The following NCOA6 variants were observed in gnomAD, a reference collection of about 807,000 sequenced individuals.
NCOA6 encodes the protein nuclear receptor coactivator 6.
In NCOA6, 49 loss-of-function variants were observed where a neutral mutation model predicts 171.4. The observed-to-expected ratio is 0.29, with a 90% confidence interval of 0.23 to 0.36. The LOEUF is 0.36. Ranked by LOEUF, NCOA6 falls within the 10% of genes least tolerant of loss-of-function variation. The pLI is 1.00. For missense variants in NCOA6, 2,248 were observed against 2,554.5 expected, an observed-to-expected ratio of 0.88 and a Z score of 2.59; for synonymous variants, 910 against 927.5, an observed-to-expected ratio of 0.98 and a Z score of 0.34.
At chr20:34,777,310 G>A (rs749403280) in intron 3 of NCOA6, among the ~76,000 whole-genome samples, 2 of 151,808 alleles carry the variant, frequency 1.3e-5, no homozygotes, top group South Asian at 2.1e-4. Flanking sequence ...GTGAAGATAC[G>A]GAGAAATAGA....
intron 13 of NCOA6, among the ~76,000 whole-genome samples, chr20:34,729,774 CTG>C (rs1990389099): frequency 6.6e-6 from 1 of 152,182 alleles, no homozygotes; most frequent in African/African-American, 2.4e-5. Flanking sequence ...CATAACCTGA[CTG>C]TCAACTATCC....
At position 34,776,389 on chromosome 20, in the gene NCOA6, T is replaced by C. The variant is rs1406577183; in HGVS notation, c.295A>G (p.Asn99Asp). Residue 99 changes from asparagine to aspartate, a missense_variant, in exon 4 of 15, where the codon AAC becomes GAC. Asn to Asp is a conservative substitution (Grantham distance 23). Transcript: ENST00000359003. Reference sequence around the variant, plus strand: ...CGCTCCGCTGCTTCCCGGGGGATGTTGAATGTCACACGCACGCTGTTCCAG... The same window carrying C: ...CGCTCCGCTGCTTCCCGGGGGATGTCGAATGTCACACGCACGCTGTTCCAG... ...EPWNSVRVTF[N>D]IPREAAERLR... 6.2e-7 allele frequency: 1 copy of C among 1,614,078 alleles called. No individual in the cohort carries two copies. The highest frequency in any genetic ancestry group is 1.3e-5 in the African/African-American group (1 of 74,924).
intron 3 of NCOA6, among the ~76,000 whole-genome samples, chr20:34,777,900 C>T (rs1045760914): frequency 6.6e-6 from 1 of 152,032 alleles, no homozygotes; most frequent in African/African-American, 2.4e-5. Context: ...TATATACATA[C>T]AATGGAATAT....
intron 10 of NCOA6, among the ~76,000 whole-genome samples, chr20:34,746,473 G>A (rs187162738): frequency 2.6e-5 from 4 of 152,218 alleles, no homozygotes; most frequent in Non-Finnish European, 5.9e-5. Flanking sequence ...GAACACTTGC[G>A]CTCAAGCGAT....
chr20:34,729,380 T>C (rs1990341821), intron 13 of NCOA6, among the ~76,000 whole-genome samples: 1 of 152,258 alleles, frequency 6.6e-6, no homozygotes, highest in Admixed American at 6.5e-5. Context: ...TGGTGAGTTA[T>C]TTTCTTCTTT....
rs2077040286 is a variant in NCOA6, at chr20:34,768,327, T to C, written c.514+137A>G. 2.6e-6 allele frequency: 3 copies of C among 1,154,118 alleles called. No homozygotes were observed. The Admixed American group carries it at 7.3e-5, about 28-fold the overall frequency. The allele number at this position is 1,154,118 out of a possible 1,614,324, so 71.5% of individuals were successfully genotyped here. On this transcript the variant is annotated intron_variant, in intron 5 of 14. Coordinates refer to ENST00000359003, the MANE Select transcript of NCOA6 (RefSeq NM_014071.5). ...ACCTCTAGCCTCCGGGAAGGACTCA[T>C]GTCTAGCTTTCCTGATTCAGCAAAT...
At chr20:34,792,771 T>C (rs2077931000) in intron 1 of NCOA6, among the ~76,000 whole-genome samples, 1 of 138,910 alleles carries the variant, frequency 7.2e-6, no homozygotes, top group Admixed American at 8.6e-5. Flanking sequence ...AGATTATCTT[T>C]TCTGATTTTT....
At chr20:34,807,791 CT>C (rs1017747034) in intron 1 of NCOA6, among the ~76,000 whole-genome samples, 2 of 151,196 alleles carry the variant, frequency 1.3e-5, no homozygotes, top group African/African-American at 4.8e-5. Context: ...TCCCAAAGTG[CT>C]GGGATTACAG....
intron 12 of NCOA6, 62 bp from the exon 13 acceptor site, chr20:34,732,657 GTCTACAAGAATTCTCTAT>G: frequency 6.9e-7 from 1 of 1,450,556 alleles, no homozygotes; most frequent in Non-Finnish European, 9.6e-7. Flanking sequence ...GAAGCTAGGA[GTCTACAAGAATTCTCTAT>G]GCCCTATTTA....
chr20:34,731,551 G>C (rs562960168), intron 13 of NCOA6, among the ~76,000 whole-genome samples: 3 of 152,234 alleles, frequency 2.0e-5, no homozygotes, highest in South Asian at 4.1e-4. Flanking sequence ...ACACATCTAG[G>C]GCACTTGTAG....
chr20:34,825,436 C>G (rs1892615657), intron 1 of NCOA6, 36 bp downstream of exon 1: 1 of 149,214 alleles, frequency 6.7e-6, no homozygotes, highest in South Asian at 2.1e-4. Flanking sequence ...GCCCGGCGGG[C>G]CCACCCCTTA....
chr20:34,787,019 C>T (rs576571927), intron 2 of NCOA6, among the ~76,000 whole-genome samples: 6 of 151,938 alleles, frequency 3.9e-5, no homozygotes, highest in Non-Finnish European at 8.8e-5. Flanking sequence ...AAACTATCAT[C>T]GGAGTGAACA....
chr20:34,787,100 C>A (rs1405075013), intron 2 of NCOA6, among the ~76,000 whole-genome samples: 1 of 147,156 alleles, frequency 6.8e-6, no homozygotes, highest in African/African-American at 2.5e-5. Flanking sequence ...CCAGGGCCCA[C>A]AAGAAACTTA....
In NCOA6 at chr20:34,823,076, T is replaced by A. The variant is rs952284485; in HGVS notation, c.-164+2396A>T. On this transcript the variant is annotated intron_variant, in intron 1 of 14. Transcript: ENST00000359003. ...CTTAACGTGCTGATAAACAAGTATA[T>A]GCATATTAGATTTGTATATTTTGGA... Among the ~76,000 whole-genome samples, 11 of 152,246 alleles carry A rather than the reference T, an allele frequency of 7.2e-5. No individual in the cohort carries two copies. In the East Asian group the frequency reaches 2.1e-3, roughly 29 times the overall value.
intron 1 of NCOA6, chr20:34,821,120 G>A (rs2078996305): frequency 3.2e-5 from 1 of 31,270 alleles, no homozygotes; most frequent in Non-Finnish European, 9.7e-5. Flanking sequence ...GACATTGGAT[G>A]GCAAATTAGA....
rs145675042 is a variant in NCOA6 at position 34,742,052 on chromosome 20, T to C, written c.4204A>G (p.Thr1402Ala). The C allele has an allele frequency of 7.6e-5, 123 of 1,612,902 alleles. No individual in the cohort carries two copies. Among genetic ancestry groups the C allele is most frequent in the Middle Eastern group, 6.6e-4 (4 of 6,060 alleles). The change falls in exon 11 of 15, where the codon ACT becomes GCT. Residue 1402 changes from threonine to alanine, a missense_variant. Thr to Ala is a moderately conservative substitution (Grantham distance 58). Coordinates refer to ENST00000359003, the MANE Select transcript of NCOA6 (RefSeq NM_014071.5). ...NNSGLNPQNS[T>A]VSVAAVGGVV... is the part of the protein sequence containing the mutation. ...CCCCCAACTGCAGCCACAGACACAG[T>C]AGAATTCTGAGGATTCAGCCCACTG...
At chr20:34,754,947 T>G (rs1179324793) in intron 7 of NCOA6, 79 bp from the exon 8 acceptor site, 1 of 1,456,544 alleles carries the variant, frequency 6.9e-7, no homozygotes, top group Non-Finnish European at 9.4e-7. Flanking sequence ...TAAGGAAGGA[T>G]GAGCTGCATG....
intron 8 of NCOA6, among the ~76,000 whole-genome samples, chr20:34,751,233 G>A (rs933807104): frequency 1.3e-5 from 2 of 149,270 alleles, no homozygotes; most frequent in African/African-American, 2.5e-5. Flanking sequence ...AGCCGGGCGC[G>A]GTGGCAGGCG....
Position 34,740,568 on chromosome 20 carries a change from C to A in NCOA6, c.5688G>T (p.Pro1896=). The A allele has an allele frequency of 6.2e-7, 1 of 1,614,058 alleles. No individual in the cohort carries two copies. Among genetic ancestry groups the A allele is most frequent in the East Asian group, 2.2e-5 (1 of 44,874 alleles). The change falls in exon 11 of 15, where the codon CCG becomes CCT. Residue 1896 remains proline, a synonymous_variant. Transcript: ENST00000359003. ...LLKMTSSPVG[P]GTASAGPSLP... The stretch of plus-strand genomic sequence containing the variant: ...AGCTGGGTCCTGCTGAGGCAGTGCC[C>A]GGGCCCACAGGGCTAGAGGTCATTT...
Sources: gnomAD v4.1 joint callset for allele counts (sites outside exome capture counted in the v4.1 genomes callset) on GRCh38, gnomAD v4.1.1 for gene constraint, MANE v1.5 for transcripts, NCBI Gene and HGNC (gene_info 2026-07-23, HGNC 2026-07-21) for gene names.